SLC8A1: variants seen among roughly 807,000 people sequenced by gnomAD.
SLC8A1 encodes the protein solute carrier family 8 member A1.
In SLC8A1, 18 loss-of-function variants were observed where a neutral mutation model predicts 68.3. The ratio of observed to expected loss-of-function variants is 0.26; its 90% CI spans 0.18 to 0.39. The LOEUF (loss-of-function observed/expected upper bound fraction) is 0.39. SLC8A1 is among the 10% of genes least tolerant of loss of function. The pLI, the probability that SLC8A1 is intolerant of heterozygous loss-of-function variation, is 1.00. For synonymous variants in SLC8A1, 475 were observed against 415.5 expected, an observed-to-expected ratio of 1.14 and a Z score of -1.74; for missense variants, 985 against 1,156.7, an observed-to-expected ratio of 0.85 and a Z score of 2.15.
chr2:40,233,783 A>G (rs2059997188), intron 2 of SLC8A1, among the ~76,000 whole-genome samples: 1 of 151,948 alleles, frequency 6.6e-6, no homozygotes, highest in Non-Finnish European at 1.5e-5. Flanking sequence ...ATAAGGTGTC[A>G]GGAAGGGATC....
At chr2:40,501,105 C>T (rs1706036088) in intron 1 of SLC8A1, among the ~76,000 whole-genome samples, 1 of 151,936 alleles carries the variant, frequency 6.6e-6, no homozygotes, top group Non-Finnish European at 1.5e-5. Context: ...ATTTTTCTGT[C>T]TGGAAATCTC....
Position 40,208,558 on chromosome 2 carries a change from G to C in SLC8A1, c.1809-30703C>G, listed in dbSNP as rs183512418. On this transcript the variant is annotated intron_variant, in intron 2 of 7. Coordinates refer to ENST00000406785, the Ensembl canonical transcript of SLC8A1. Reference sequence around the variant, plus strand: ...CCAACAGGAACTCCCTTTTTTCTAGGCATCGTCCAGAGATTTTGGTTACAA... The same window carrying C: ...CCAACAGGAACTCCCTTTTTTCTAGCCATCGTCCAGAGATTTTGGTTACAA... 4 of 152,184 alleles carry C rather than the reference G, an allele frequency of 2.6e-5. No homozygotes were observed. In the East Asian group the frequency reaches 7.8e-4, roughly 30 times the overall value. 9.4% of individuals were successfully genotyped at this position (152,184 alleles called of 1,614,324 possible).
intron 2 of SLC8A1, among the ~76,000 whole-genome samples, chr2:40,290,472 A>G (rs942493905): frequency 5.3e-5 from 8 of 152,160 alleles, no homozygotes; most frequent in African/African-American, 1.9e-4. Context: ...ATTGTCTCAA[A>G]GAAAAAGACG....
At chr2:40,272,307 T>C (rs764967273) in intron 2 of SLC8A1, among the ~76,000 whole-genome samples, 1 of 152,158 alleles carries the variant, frequency 6.6e-6, no homozygotes, top group African/African-American at 2.4e-5. Context: ...AACAAGAACA[T>C]GATCAGTTTG....
At chr2:40,105,857 C>T (rs1029480735) in exon 8 of SLC8A1, 13 of 152,230 alleles carry the variant, frequency 8.5e-5, no homozygotes, top group African/African-American at 2.2e-4. Context: ...CCTACTTTGC[C>T]TAGTTCCTGA....
intron 2 of SLC8A1, among the ~76,000 whole-genome samples, chr2:40,318,260 T>C (rs2074733042): frequency 6.6e-6 from 1 of 152,032 alleles, no homozygotes; most frequent in Non-Finnish European, 1.5e-5. Context: ...TATGATTATC[T>C]GAGCCTCATC....
chr2:40,453,079 C>A (rs558034670), upstream of SLC8A1: 3 of 152,232 alleles, frequency 2.0e-5, no homozygotes, highest in Admixed American at 2.0e-4. Flanking sequence ...TTCTTACAAA[C>A]CCTTAATGAC....
chr2:40,196,900 A>G (rs2148677421), intron 2 of SLC8A1, among the ~76,000 whole-genome samples: 2 of 151,868 alleles, frequency 1.3e-5, no homozygotes, highest in East Asian at 3.9e-4. Flanking sequence ...TATCAAGTCT[A>G]CTCTCAGTGC....
At chr2:40,450,891 C>T (rs1019249512) in intron 1 of SLC8A1, among the ~76,000 whole-genome samples, 2 of 152,194 alleles carry the variant, frequency 1.3e-5, no homozygotes, top group Non-Finnish European at 2.9e-5. Flanking sequence ...CTCAACTCAA[C>T]CACTACCACT....
At chr2:40,338,987 G>A (rs1003795556) in intron 2 of SLC8A1, among the ~76,000 whole-genome samples, 1 of 152,170 alleles carries the variant, frequency 6.6e-6, no homozygotes, top group Non-Finnish European at 1.5e-5. Context: ...CCTGGAAAGC[G>A]AAGTGTTGGC....
At chr2:40,344,016 A>G (rs1367743410) in intron 2 of SLC8A1, among the ~76,000 whole-genome samples, 1 of 152,214 alleles carries the variant, frequency 6.6e-6, no homozygotes, top group Non-Finnish European at 1.5e-5. Context: ...TTTATGAGCA[A>G]GAGAGTGTGT....
At chr2:40,239,906 A>C (rs2060982440) in intron 2 of SLC8A1, among the ~76,000 whole-genome samples, 1 of 152,184 alleles carries the variant, frequency 6.6e-6, no homozygotes, top group Non-Finnish European at 1.5e-5. Context: ...TGGAAACCGA[A>C]CGAATATCTT....
At position 40,335,026 on chromosome 2, in the gene SLC8A1, TG is replaced by T. The variant is rs1356246787; in HGVS notation, c.1808+93446del. The stretch of plus-strand genomic sequence containing the variant: ...CAAAAACTCTACTGATATCAACTCA[TG>T]GATCTCATTCTCCAAAGAGGTCATT... On this transcript the variant is annotated intron_variant, in intron 2 of 7. Transcript: ENST00000406785. Among the ~76,000 whole-genome samples the T allele has an allele frequency of 2.6e-5, 4 of 152,314 alleles. No individual in the cohort carries two copies. In the South Asian group the frequency reaches 6.2e-4, roughly 24 times the overall value.
intron 2 of SLC8A1, among the ~76,000 whole-genome samples, chr2:40,302,031 CTGTGTGTGTGTGTGTGTGTGTGTGTG>C (rs374407377): frequency 1.5e-5 from 2 of 132,228 alleles, no homozygotes; most frequent in African/African-American, 2.9e-5. Context: ...CCGGGCTAAT[CTGTGTGTGTGTGTGTGTGTGTGTGTG>C]TGTGTGTGTG....
intron 7 of SLC8A1, among the ~76,000 whole-genome samples, chr2:40,121,225 C>A (rs2125105308): frequency 6.6e-6 from 1 of 152,274 alleles, no homozygotes; most frequent in South Asian, 2.1e-4. Flanking sequence ...CAGAAATACA[C>A]CTTTTAACAA....
At chr2:40,387,058 T>C (rs1375834707) in intron 2 of SLC8A1, among the ~76,000 whole-genome samples, 1 of 151,436 alleles carries the variant, frequency 6.6e-6, no homozygotes, top group Non-Finnish European at 1.5e-5. Flanking sequence ...TAACAACCTT[T>C]ATGAAGATCC....
rs878859078 is a variant in SLC8A1 at position 40,480,833 on chromosome 2, G to C, written c.-25+31516C>G. On this transcript the variant is annotated intron_variant, in intron 1 of 7. Transcript: ENST00000402441. The stretch of plus-strand genomic sequence containing the variant: ...CCACGACGTTATACAGGCTAATTCT[G>C]AGTCACTGCATCAGTTGAGACCAGC... Among the ~76,000 whole-genome samples the C allele has an allele frequency of 7.2e-5, 11 of 152,154 alleles. 1 individual carries two copies. Among genetic ancestry groups the C allele is most frequent in the Admixed American group, 5.9e-4 (9 of 15,274 alleles).
intron 2 of SLC8A1, among the ~76,000 whole-genome samples, chr2:40,290,609 A>G (rs2069135236): frequency 6.6e-6 from 1 of 152,174 alleles, no homozygotes; most frequent in African/African-American, 2.4e-5. Flanking sequence ...AGTGAAGAAA[A>G]ATGGATATTT....
At chr2:40,254,203 T>C (rs1282255297) in intron 2 of SLC8A1, among the ~76,000 whole-genome samples, 1 of 152,140 alleles carries the variant, frequency 6.6e-6, no homozygotes, top group African/African-American at 2.4e-5. Context: ...AAATAAAAGC[T>C]AATTCCAACT....
Sources: gnomAD v4.1 joint callset for allele counts (sites outside exome capture counted in the v4.1 genomes callset) on GRCh38, gnomAD v4.1.1 for gene constraint, MANE v1.5 for transcripts, NCBI Gene and HGNC (gene_info 2026-07-23, HGNC 2026-07-21) for gene names.